Variants in RIMS2 observed in about 807,000 individuals in gnomAD.
The protein encoded by RIMS2 is regulating synaptic membrane exocytosis 2.
Under a neutral mutation model 174.4 loss-of-function variants are expected in RIMS2, and 59 were observed. The observed-to-expected ratio is 0.34, with a 90% CI of 0.27 to 0.42. The LOEUF is 0.42. RIMS2 is among the 10% of genes least tolerant of loss of function. The pLI, the probability that RIMS2 is intolerant of heterozygous loss-of-function variation, is 1.00. For synonymous variants in RIMS2, 606 were observed against 572.5 expected, an observed-to-expected ratio of 1.06 and a Z score of -0.84; for missense variants, 1,620 against 1,666.3, an observed-to-expected ratio of 0.97 and a Z score of 0.48.
chr8:103,677,629 G>A (rs2096831812), intron 1 of RIMS2, among the ~76,000 whole-genome samples: 1 of 152,082 alleles, frequency 6.6e-6, no homozygotes, highest in South Asian at 2.1e-4. Context: ...ATGCTCCTGG[G>A]GCTCACTAGA....
chr8:103,867,348 G>T (rs568967001), intron 3 of RIMS2, among the ~76,000 whole-genome samples: 71 of 151,756 alleles, frequency 4.7e-4, no homozygotes, highest in Non-Finnish European at 8.6e-4. Context: ...AATACTCATA[G>T]AATACAAATA....
intron 3 of RIMS2, among the ~76,000 whole-genome samples, chr8:103,825,990 GATAATTTT>G (rs1476331838): frequency 3.9e-4 from 59 of 152,128 alleles, no homozygotes; most frequent in African/African-American, 1.3e-3. Context: ...ATCCTCTTAT[GATAATTTT>G]ATTATATTTG....
chr8:104,103,551 A>T (rs2097953996), intron 19 of RIMS2, among the ~76,000 whole-genome samples: 1 of 152,044 alleles, frequency 6.6e-6, no homozygotes, highest in South Asian at 2.1e-4. Context: ...TTTTATTCTA[A>T]TACTCCTTCT....
At chr8:103,508,365 A>AATG (rs1824692094) in intron 1 of RIMS2, among the ~76,000 whole-genome samples, 1 of 151,972 alleles carries the variant, frequency 6.6e-6, no homozygotes, top group African/African-American at 2.4e-5. Context: ...CTGAATCTCA[A>AATG]ATGATGAGTA....
At chr8:104,236,698 T>C (rs1588043358) in intron 19 of RIMS2, among the ~76,000 whole-genome samples, 2 of 152,168 alleles carry the variant, frequency 1.3e-5, no homozygotes, top group Non-Finnish European at 2.9e-5. Context: ...GTTAATTTTA[T>C]ATACAAAGAG....
At chr8:103,559,724 A>G (rs1023695900) in intron 1 of RIMS2, among the ~76,000 whole-genome samples, 2 of 152,342 alleles carry the variant, frequency 1.3e-5, no homozygotes, top group Admixed American at 6.5e-5. Context: ...ATCAAAAACC[A>G]TGAAATGTCT....
chr8:103,962,391 C>CA (rs2154545759), intron 15 of RIMS2, among the ~76,000 whole-genome samples: 1 of 152,274 alleles, frequency 6.6e-6, no homozygotes, highest in East Asian at 1.9e-4. Context: ...CTACCCCACT[C>CA]AAAGTGCTTA....
At chr8:103,692,904 C>A (rs1030329934) in intron 1 of RIMS2, among the ~76,000 whole-genome samples, 9 of 152,170 alleles carry the variant, frequency 5.9e-5, no homozygotes, top group African/African-American at 1.9e-4. Flanking sequence ...GTTGCATGCT[C>A]CCCTCATCCA....
intron 17 of RIMS2, among the ~76,000 whole-genome samples, chr8:104,006,626 T>TCTC (rs2095586753): frequency 7.2e-6 from 1 of 138,114 alleles, no homozygotes; most frequent in African/African-American, 2.7e-5. Flanking sequence ...AGTGATCTAT[T>TCTC]TCTCTCTCTC....
intron 19 of RIMS2, among the ~76,000 whole-genome samples, chr8:104,201,417 AAT>A (rs1226907373): frequency 6.6e-6 from 1 of 152,188 alleles, no homozygotes; most frequent in Non-Finnish European, 1.5e-5. Context: ...TCTTCAATGA[AAT>A]ATATGTCATT....
chr8:103,936,862 G>A lies in RIMS2; in HGVS notation c.2547+140G>A, dbSNP rs145716275. 3,562 of 536,834 alleles carry A rather than the reference G, an allele frequency of 6.6e-3. 128 individuals are homozygous for A. The highest frequency in any genetic ancestry group is 0.064 in the African/African-American group (3,225 of 50,262). The allele number at this position is 536,834 out of a possible 1,614,324, so 33.3% of individuals were successfully genotyped here. A position where few individuals can be genotyped will look rare whatever the true frequency, so the allele number is the denominator to read the frequency against. ...TGTAATCTCAGCACTTTGGGAGGCC[G>A]AGGGGGGCGGATCACGAGGTCAGAA... On this transcript the variant is annotated intron_variant, in intron 13 of 23. Coordinates refer to ENST00000504942, the Ensembl canonical transcript of RIMS2.
At chr8:103,985,210 T>C (rs57246367) in intron 16 of RIMS2, among the ~76,000 whole-genome samples, 4,616 of 152,140 alleles carry the variant, frequency 0.03, 213 homozygotes, top group African/African-American at 0.1. Context: ...GCACGGTGGC[T>C]TACACCTGTA....
At chr8:103,858,091 A>G (rs2099037724) in intron 3 of RIMS2, among the ~76,000 whole-genome samples, 1 of 152,118 alleles carries the variant, frequency 6.6e-6, no homozygotes, top group African/African-American at 2.4e-5. Flanking sequence ...AGAAATAAAT[A>G]CCTCTCCTGT....
intron 1 of RIMS2, among the ~76,000 whole-genome samples, chr8:103,531,340 TA>T (rs1263809783): frequency 3.3e-5 from 5 of 152,096 alleles, no homozygotes; most frequent in African/African-American, 1.2e-4. Context: ...TGGAAATCAA[TA>T]ATGAAAAAAA....
chr8:103,682,355 T>G (rs894954951), intron 1 of RIMS2, among the ~76,000 whole-genome samples: 2 of 152,112 alleles, frequency 1.3e-5, no homozygotes, highest in Non-Finnish European at 2.9e-5. Context: ...AGGACCTAGA[T>G]ACAGGAAGAA....
chr8:103,801,063 G>A (rs1851152), intron 3 of RIMS2, among the ~76,000 whole-genome samples: 54,763 of 151,866 alleles, frequency 0.36, 10,637 homozygotes, highest in East Asian at 0.77. Context: ...CATGATCTCC[G>A]CTCACTGCAA....
intron 19 of RIMS2, among the ~76,000 whole-genome samples, chr8:104,077,251 G>A (rs1245737361): frequency 2.0e-5 from 3 of 152,116 alleles, no homozygotes; most frequent in Non-Finnish European, 2.9e-5. Flanking sequence ...TGGTGGTGAC[G>A]ATGATGATAG....
chr8:104,040,211 C>G (rs752157245), intron 19 of RIMS2, among the ~76,000 whole-genome samples: 129 of 151,632 alleles, frequency 8.5e-4, no homozygotes, highest in Non-Finnish European at 1.8e-3. Flanking sequence ...ATATGCTTTG[C>G]TATATAAGTC....
intron 19 of RIMS2, among the ~76,000 whole-genome samples, chr8:104,210,873 C>A (rs977334): frequency 0.16 from 24,242 of 152,190 alleles, 2,484 homozygotes; most frequent in Non-Finnish European, 0.23. Flanking sequence ...TATGTAGGAA[C>A]AAAATGTATC....
Sources: gnomAD v4.1 joint callset for allele counts (sites outside exome capture counted in the v4.1 genomes callset) on GRCh38, gnomAD v4.1.1 for gene constraint, MANE v1.5 for transcripts, NCBI Gene and HGNC (gene_info 2026-07-23, HGNC 2026-07-21) for gene names.